The following PPP2R2B variants were observed in gnomAD, a reference collection of about 807,000 sequenced individuals.
PPP2R2B encodes the protein protein phosphatase 2 regulatory subunit Bbeta.
In PPP2R2B, 5 loss-of-function variants were observed where a neutral mutation model predicts 46.0. The ratio of observed to expected loss-of-function variants is 0.11; its 90% CI spans 0.06 to 0.23. The LOEUF is 0.23. Among genes scored for constraint, PPP2R2B ranks in the 10% least tolerant of loss-of-function variants. The pLI is 1.00. For missense variants in PPP2R2B, 367 were observed against 575.0 expected (o/e 0.64, Z 3.70); for synonymous variants, 215 against 206.7 (o/e 1.04, Z -0.34).
intron 2 of PPP2R2B, among the ~76,000 whole-genome samples, chr5:146,726,096 T>C (rs1028510094): frequency 6.6e-6 from 1 of 152,092 alleles, no homozygotes; most frequent in Non-Finnish European, 1.5e-5. Flanking sequence ...TTACTTGTCT[T>C]TGAGGCACTA....
chr5:146,866,637 TAC>T (rs1554148306), intron 2 of PPP2R2B, among the ~76,000 whole-genome samples: 8 of 151,656 alleles, frequency 5.3e-5, no homozygotes, highest in African/African-American at 1.7e-4. Context: ...TACATATATA[TAC>T]ACACACATAT....
At chr5:146,652,545 C>T (rs1471056469) in intron 5 of PPP2R2B, among the ~76,000 whole-genome samples, 1 of 152,086 alleles carries the variant, frequency 6.6e-6, no homozygotes, top group Non-Finnish European at 1.5e-5. Context: ...AGAGGCTTCC[C>T]TGAGAATGTA....
intron 1 of PPP2R2B, among the ~76,000 whole-genome samples, chr5:146,933,691 T>A (rs1336101249): frequency 1.3e-5 from 2 of 151,960 alleles, no homozygotes; most frequent in African/African-American, 4.8e-5. Flanking sequence ...TTTTTTCTTT[T>A]ATTATTATAC....
At chr5:147,047,230 T>C (rs1756585433) in intron 1 of PPP2R2B, among the ~76,000 whole-genome samples, 1 of 152,100 alleles carries the variant, frequency 6.6e-6, no homozygotes, top group East Asian at 1.9e-4. Flanking sequence ...GTTCCAGTGT[T>C]CTATACCACT....
intron 1 of PPP2R2B, among the ~76,000 whole-genome samples, chr5:147,038,779 C>T (rs370487845): frequency 6.6e-6 from 1 of 152,146 alleles, no homozygotes; most frequent in Non-Finnish European, 1.5e-5. Context: ...TGCTCAACGT[C>T]ACTTAGCTAG....
intron 2 of PPP2R2B, among the ~76,000 whole-genome samples, chr5:146,763,562 A>G (rs2151257237): frequency 6.6e-6 from 1 of 152,340 alleles, no homozygotes; most frequent in South Asian, 2.1e-4. Context: ...TCTGCTGCTC[A>G]TAAGGAGGTA....
chr5:146,838,404 T>C (rs1759423441), intron 2 of PPP2R2B, among the ~76,000 whole-genome samples: 1 of 151,782 alleles, frequency 6.6e-6, no homozygotes, highest in African/African-American at 2.4e-5. Flanking sequence ...GATCCCTGTC[T>C]CTACTAAAAA....
intron 2 of PPP2R2B, among the ~76,000 whole-genome samples, chr5:147,077,689 C>T (rs563262674): frequency 6.6e-6 from 1 of 152,112 alleles, no homozygotes; most frequent in Non-Finnish European, 1.5e-5. Context: ...GGCCAGGGAA[C>T]CTCCATGCCA....
chr5:146,801,985 G>C (rs1308595215), intron 2 of PPP2R2B, among the ~76,000 whole-genome samples: 1 of 152,182 alleles, frequency 6.6e-6, no homozygotes, highest in Non-Finnish European at 1.5e-5. Context: ...GGGTAATTCT[G>C]TTTTTATTGT....
intron 1 of PPP2R2B, among the ~76,000 whole-genome samples, chr5:146,976,263 G>A (rs895398945): frequency 2.0e-5 from 3 of 151,460 alleles, no homozygotes; most frequent in African/African-American, 7.3e-5. Context: ...TCAGCCTCCC[G>A]GGTAGCTGGG....
chr5:147,070,470 A>T (rs1048938164), intron 2 of PPP2R2B, among the ~76,000 whole-genome samples: 26 of 152,330 alleles, frequency 1.7e-4, no homozygotes, highest in Admixed American at 1.7e-3. Flanking sequence ...TGGCTTTTAA[A>T]TTCCATTAAC....
intron 2 of PPP2R2B, among the ~76,000 whole-genome samples, chr5:146,768,175 G>T (rs1391456435): frequency 6.6e-6 from 1 of 152,020 alleles, no homozygotes; most frequent in Non-Finnish European, 1.5e-5. Flanking sequence ...CCAGGCTCAA[G>T]CAATCCTCCC....
intron 2 of PPP2R2B, among the ~76,000 whole-genome samples, chr5:146,824,742 T>C (rs1338994141): frequency 6.6e-6 from 1 of 151,678 alleles, no homozygotes; most frequent in Non-Finnish European, 1.5e-5. Flanking sequence ...TCAATACTTT[T>C]TTTTTTTTTT....
At chr5:146,925,057 C>G (rs1186622746) in intron 1 of PPP2R2B, among the ~76,000 whole-genome samples, 2 of 152,146 alleles carry the variant, frequency 1.3e-5, no homozygotes, top group Non-Finnish European at 2.9e-5. Flanking sequence ...CTGCCATTCC[C>G]TCTTCCCTCC....
At chr5:146,813,407 T>G (rs917899911) in intron 2 of PPP2R2B, among the ~76,000 whole-genome samples, 3 of 152,152 alleles carry the variant, frequency 2.0e-5, no homozygotes, top group Non-Finnish European at 4.4e-5. Context: ...CACAGTTACC[T>G]ATAAACTTTG....
chr5:147,035,992 A>AT (rs1182176835), intron 1 of PPP2R2B, among the ~76,000 whole-genome samples: 1 of 152,146 alleles, frequency 6.6e-6, no homozygotes, highest in African/African-American at 2.4e-5. Flanking sequence ...TACAGTGATT[A>AT]TTTTTTAAAA....
chr5:146,706,844 C>G, intron 2 of PPP2R2B: 1 of 1,057,080 alleles, frequency 9.5e-7, no homozygotes, highest in Admixed American at 1.7e-5. Flanking sequence ...AGCGATGATG[C>G]TGTCCGTGTC....
intron 1 of PPP2R2B, among the ~76,000 whole-genome samples, chr5:146,906,970 A>T (rs1763020599): frequency 6.6e-6 from 1 of 152,194 alleles, no homozygotes; most frequent in Non-Finnish European, 1.5e-5. Context: ...GTAGCAGGAG[A>T]CAGGATGAGT....
chr5:146,895,572 T>C (rs747764595), intron 1 of PPP2R2B, among the ~76,000 whole-genome samples: 6 of 152,202 alleles, frequency 3.9e-5, no homozygotes, highest in Non-Finnish European at 7.3e-5. Flanking sequence ...ACCGTGTACA[T>C]GCATAGTAGG....
Sources: gnomAD v4.1 joint callset for allele counts (sites outside exome capture counted in the v4.1 genomes callset) on GRCh38, gnomAD v4.1.1 for gene constraint, MANE v1.5 for transcripts, NCBI Gene and HGNC (gene_info 2026-07-23, HGNC 2026-07-21) for gene names.